Variants in GRM8 observed in about 807,000 individuals in gnomAD.
GRM8 encodes the protein glutamate metabotropic receptor 8.
In GRM8, 47 loss-of-function variants were observed where a neutral mutation model predicts 87.2. That is an observed-to-expected ratio of 0.54 (90% CI 0.43 to 0.69). GRM8 has a LOEUF of 0.69. Among genes scored for constraint, GRM8 ranks in the 30% least tolerant of loss-of-function variants. GRM8 has a pLI of 0.00. For missense variants in GRM8, 1,019 were observed against 1,139.2 expected (o/e 0.89, Z 1.52); for synonymous variants, 396 against 404.5 (o/e 0.98, Z 0.25).
intron 9 of GRM8, among the ~76,000 whole-genome samples, chr7:126,528,403 T>C (rs1814248870): frequency 6.6e-6 from 1 of 152,160 alleles, no homozygotes; most frequent in Non-Finnish European, 1.5e-5. Flanking sequence ...ACAGACTCAA[T>C]ATTATGCTGA....
intron 6 of GRM8, among the ~76,000 whole-genome samples, chr7:126,814,495 A>G (rs1793588274): frequency 6.6e-6 from 1 of 152,102 alleles, no homozygotes; most frequent in East Asian, 1.9e-4. Context: ...TCTTAGAGAT[A>G]TTATAGAAAT....
intron 3 of GRM8, among the ~76,000 whole-genome samples, chr7:126,984,161 A>G (rs763973988): frequency 2.0e-5 from 3 of 152,194 alleles, no homozygotes; most frequent in Non-Finnish European, 4.4e-5. Flanking sequence ...TTCCAGTTGC[A>G]TGAAGGATAG....
intron 2 of GRM8, chr7:127,229,438 A>G (rs2116793154): frequency 6.6e-6 from 1 of 152,266 alleles, no homozygotes; most frequent in South Asian, 2.1e-4. Context: ...CACCAGCAAA[A>G]CTCACTAGAT....
chr7:126,680,022 G>A (rs1042958758), intron 7 of GRM8, among the ~76,000 whole-genome samples: 7 of 137,176 alleles, frequency 5.1e-5, no homozygotes, highest in Non-Finnish European at 7.8e-5. Flanking sequence ...CTGGGCAAGA[G>A]AGCAGGACTC....
chr7:126,580,514 C>CGG, intron 8 of GRM8, among the ~76,000 whole-genome samples: 1 of 152,234 alleles, frequency 6.6e-6, no homozygotes, highest in East Asian at 1.9e-4. Context: ...TCATGAGCTC[C>CGG]ACCATCTCCT....
chr7:126,674,527 C>G (rs1301855397), intron 7 of GRM8, among the ~76,000 whole-genome samples: 1 of 152,042 alleles, frequency 6.6e-6, no homozygotes, highest in South Asian at 2.1e-4. Flanking sequence ...ATCTATTATA[C>G]TATAAGAAAT....
chr7:127,220,947 T>C (rs529473544), intron 2 of GRM8, among the ~76,000 whole-genome samples: 1 of 152,262 alleles, frequency 6.6e-6, no homozygotes, highest in South Asian at 2.1e-4. Flanking sequence ...CTTCCACCCT[T>C]GGCCCATGCA....
At chr7:127,109,976 G>A (rs1563518720) in intron 2 of GRM8, among the ~76,000 whole-genome samples, 1 of 152,110 alleles carries the variant, frequency 6.6e-6, no homozygotes, top group South Asian at 2.1e-4. Flanking sequence ...GTTTGTCCCG[G>A]AGGCACTAGC....
intron 2 of GRM8, among the ~76,000 whole-genome samples, chr7:127,151,018 A>G (rs769972047): frequency 6.1e-4 from 92 of 152,050 alleles, no homozygotes; most frequent in Non-Finnish European, 1.2e-3. Flanking sequence ...GGTTTTAGCT[A>G]TACACATTGG....
chr7:127,169,729 T>G (rs969793194), intron 2 of GRM8, among the ~76,000 whole-genome samples: 4 of 152,212 alleles, frequency 2.6e-5, no homozygotes, highest in African/African-American at 9.6e-5. Context: ...GCTCATTGAC[T>G]GTTTTGAAAA....
chr7:127,079,708 G>A (rs959071893), intron 3 of GRM8, among the ~76,000 whole-genome samples: 9 of 152,110 alleles, frequency 5.9e-5, no homozygotes, highest in African/African-American at 2.2e-4. Context: ...AGGGACTACT[G>A]GTTGGCAGTG....
At chr7:126,967,207 T>C (rs1809967078) in intron 3 of GRM8, among the ~76,000 whole-genome samples, 2 of 152,170 alleles carry the variant, frequency 1.3e-5, no homozygotes, top group Admixed American at 1.3e-4. Flanking sequence ...TTATATATCA[T>C]GTATCAAGAT....
At chr7:126,465,312 A>T (rs1293769118) in intron 9 of GRM8, 1 of 150,374 alleles carries the variant, frequency 6.7e-6, no homozygotes, top group Non-Finnish European at 1.5e-5. Context: ...GTATAATTCC[A>T]TAAAAATTTT....
intron 2 of GRM8, among the ~76,000 whole-genome samples, chr7:127,212,276 A>G (rs77545122): frequency 1.9e-4 from 29 of 152,344 alleles, no homozygotes; most frequent in African/African-American, 6.5e-4. Flanking sequence ...TCAACTGACT[A>G]CAGTCACGTA....
chr7:126,585,647 C>A (rs187869635), intron 8 of GRM8, among the ~76,000 whole-genome samples: 1 of 152,242 alleles, frequency 6.6e-6, no homozygotes, highest in East Asian at 1.9e-4. Flanking sequence ...ATGCTAAAAA[C>A]TCTCAATAAA....
At chr7:127,220,163 C>T (rs1029829647) in intron 2 of GRM8, among the ~76,000 whole-genome samples, 3 of 152,274 alleles carry the variant, frequency 2.0e-5, no homozygotes, top group African/African-American at 4.8e-5. Context: ...CCACTAACTT[C>T]GAACAGCTCC....
intron 3 of GRM8, among the ~76,000 whole-genome samples, chr7:127,087,066 C>A (rs960886117): frequency 1.3e-5 from 2 of 152,234 alleles, no homozygotes; most frequent in Non-Finnish European, 1.5e-5. Flanking sequence ...TGACACCTGA[C>A]ACCAGGAATG....
intron 6 of GRM8, among the ~76,000 whole-genome samples, chr7:126,841,468 AG>A (rs1389871539): frequency 6.6e-6 from 1 of 152,166 alleles, no homozygotes; most frequent in African/African-American, 2.4e-5. Flanking sequence ...AGAAGGTATA[AG>A]TCTTCTGACT....
chr7:126,546,427 TC>T (rs1286113961), intron 8 of GRM8, among the ~76,000 whole-genome samples: 3 of 152,004 alleles, frequency 2.0e-5, no homozygotes. Context: ...ATTAGGAACA[TC>T]CCATCCAGAA....
Sources: gnomAD v4.1 joint callset for allele counts (sites outside exome capture counted in the v4.1 genomes callset) on GRCh38, gnomAD v4.1.1 for gene constraint, MANE v1.5 for transcripts, NCBI Gene and HGNC (gene_info 2026-07-23, HGNC 2026-07-21) for gene names.